The following RAB27A variants were observed in gnomAD, a reference collection of about 807,000 sequenced individuals.
RAB27A encodes the protein ras-related protein Rab-27A.
RAB27A carries 17 observed loss-of-function variants against 20.8 expected under a neutral mutation model. The observed-to-expected ratio is 0.82, with a 90% CI of 0.56 to 1.23. The LOEUF (loss-of-function observed/expected upper bound fraction) is 1.23. RAB27A is among the 50% of genes most tolerant of loss of function. The pLI is 0.00. For synonymous variants in RAB27A, 85 were observed against 92.8 expected (o/e 0.92, Z 0.48); for missense variants, 277 against 266.7 (o/e 1.04, Z -0.27).
chr15:55,313,883 G>A (rs933572486), intron 2 of RAB27A: 1 of 152,428 alleles, frequency 6.6e-6, no homozygotes, highest in African/African-American at 2.4e-5. Flanking sequence ...TGAGGCAGGA[G>A]AATAGTGTGA....
At chr15:55,318,701 CAA>C (rs1261744826) in intron 1 of RAB27A, among the ~76,000 whole-genome samples, 1 of 96,150 alleles carries the variant, frequency 1.0e-5, no homozygotes. Flanking sequence ...AACTCCGTCT[CAA>C]AAAAAAAAAC....
Position 55,224,868 on chromosome 15 carries a change from C to T in RAB27A, c.344-856G>A, listed in dbSNP as rs937934366. 3.9e-5 allele frequency among the ~76,000 whole-genome samples: 6 copies of T among 152,142 alleles called. No homozygotes were observed. The South Asian group carries it at 1.2e-3, about 32-fold the overall frequency. ...TCATGGTTAACCAGAAAAGTGTGGACATTTTAGTTCCTCATTATGAAGTAG... is the reference window on the plus strand; with the variant it reads ...TCATGGTTAACCAGAAAAGTGTGGATATTTTAGTTCCTCATTATGAAGTAG... On this transcript the variant is annotated intron_variant, in intron 5 of 6. Coordinates refer to ENST00000336787, the MANE Select transcript of RAB27A (RefSeq NM_183235.3).
chr15:55,256,716 C>T (rs757497044), intron 2 of RAB27A, among the ~76,000 whole-genome samples: 20 of 152,146 alleles, frequency 1.3e-4, no homozygotes, highest in Non-Finnish European at 2.8e-4. Context: ...ACGACTAATC[C>T]ATTGGTATAT....
At chr15:55,240,543 T>C (rs540893069) in intron 2 of RAB27A, among the ~76,000 whole-genome samples, 2 of 152,216 alleles carry the variant, frequency 1.3e-5, no homozygotes, top group African/African-American at 4.8e-5. Flanking sequence ...AGGGCATAAG[T>C]AACTGAGTCT....
At chr15:55,221,792 A>G (rs1895583323) in intron 6 of RAB27A, among the ~76,000 whole-genome samples, 1 of 151,946 alleles carries the variant, frequency 6.6e-6, no homozygotes, top group Non-Finnish European at 1.5e-5. Flanking sequence ...CTGCAACTAG[A>G]CCTGCACCTG....
chr15:55,217,826 A>G (rs1895385485), intron 6 of RAB27A, among the ~76,000 whole-genome samples: 1 of 152,074 alleles, frequency 6.6e-6, no homozygotes, highest in Non-Finnish European at 1.5e-5. Context: ...AGCACTGCTC[A>G]TCGTTATTAC....
intron 2 of RAB27A, among the ~76,000 whole-genome samples, chr15:55,255,992 A>G (rs999342478): frequency 6.6e-6 from 1 of 152,196 alleles, no homozygotes; most frequent in South Asian, 2.1e-4. Flanking sequence ...ATATGGGAAT[A>G]TTTATCTAGC....
chr15:55,284,164 C>A lies in RAB27A; in HGVS notation c.-143+5552G>T, dbSNP rs754224207. On this transcript the variant is annotated intron_variant, in intron 1 of 6. Coordinates refer to ENST00000336787, the MANE Select transcript of RAB27A (RefSeq NM_183235.3). ...AGCAGTTCATTTTCAAGGCTGCTTTCTTTTAAATAGGTACAAATAATTACA... is the reference window on the plus strand; with the variant it reads ...AGCAGTTCATTTTCAAGGCTGCTTTATTTTAAATAGGTACAAATAATTACA... 2.0e-4 allele frequency among the ~76,000 whole-genome samples: 30 copies of A among 152,264 alleles called. 1 individual carries two copies. Among genetic ancestry groups the A allele is most frequent in the Non-Finnish European group, 3.8e-4 (26 of 68,004 alleles).
Position 55,209,886 on chromosome 15 carries a change from A to G in RAB27A, c.468-4181T>C, listed in dbSNP as rs570278696. 3.3e-5 allele frequency among the ~76,000 whole-genome samples: 4 copies of G among 121,748 alleles called. 1 individual carries two copies. The highest frequency in any genetic ancestry group is 1.7e-4 in the African/African-American group (4 of 23,528). 79.9% of individuals were successfully genotyped at this position (121,748 alleles called of 152,430 possible). ...TACATATATACATATATGTGTGTGT[A>G]TACATATATACACATATGTGTGTGT... On this transcript the variant is annotated intron_variant, in intron 6 of 6. Coordinates refer to ENST00000336787, the MANE Select transcript of RAB27A (RefSeq NM_183235.3).
intron 1 of RAB27A, among the ~76,000 whole-genome samples, chr15:55,316,599 A>G (rs921076240): frequency 1.9e-4 from 29 of 151,804 alleles, no homozygotes; most frequent in Admixed American, 1.1e-3. Context: ...AAAAAAAAGG[A>G]GAAAAAAAGA....
chr15:55,285,502 A>C (rs1349520604), intron 1 of RAB27A, among the ~76,000 whole-genome samples: 1 of 152,124 alleles, frequency 6.6e-6, no homozygotes, highest in Admixed American at 6.5e-5. Flanking sequence ...CTACGAACAT[A>C]AGTAAATTAC....
At chr15:55,300,390 T>C (rs1343300392) in intron 2 of RAB27A, among the ~76,000 whole-genome samples, 1 of 151,856 alleles carries the variant, frequency 6.6e-6, no homozygotes, top group Non-Finnish European at 1.5e-5. Context: ...ACAAAAGGGG[T>C]GTTTCTTGGC....
chr15:55,288,577 G>T (rs911290980), intron 1 of RAB27A, among the ~76,000 whole-genome samples: 6 of 151,820 alleles, frequency 4.0e-5, no homozygotes, highest in African/African-American at 1.5e-4. Context: ...AAAAATCAAG[G>T]CACGTCACAG....
chr15:55,220,259 T>G (rs1190010370), intron 6 of RAB27A, among the ~76,000 whole-genome samples: 2 of 151,850 alleles, frequency 1.3e-5, no homozygotes, highest in African/African-American at 4.8e-5. Context: ...GTTTGTTTGT[T>G]TTTGTTTGTT....
chr15:55,318,158 C>G (rs2055072567), intron 1 of RAB27A, among the ~76,000 whole-genome samples: 1 of 147,624 alleles, frequency 6.8e-6, no homozygotes, highest in African/African-American at 2.5e-5. Flanking sequence ...AGTGCAATGG[C>G]GCAATCTCGG....
In RAB27A at chr15:55,234,848, A is replaced by G. The variant is rs758381859; in HGVS notation, c.87T>C (p.Tyr29=). Residue 29 remains tyrosine (Y), a synonymous_variant, in exon 3 of 7, where the codon TAT becomes TAC. Coordinates refer to ENST00000336787, the MANE Select transcript of RAB27A (RefSeq NM_183235.3). ...GVGKTSVLYQ[Y]TDGKFNSKFI... is the part of the protein sequence containing the mutation. Reference sequence around the variant, plus strand: ...ATTTGGAGTTAAATTTACCATCTGTATATTGGTAAAGTACACTGGTCTTCC... The same window carrying G: ...ATTTGGAGTTAAATTTACCATCTGTGTATTGGTAAAGTACACTGGTCTTCC... 7.4e-6 allele frequency: 12 copies of G among 1,611,084 alleles called. No individual in the cohort carries two copies. The East Asian group carries it at 2.5e-4, about 33-fold the overall frequency.
At chr15:55,229,403 CCATGGCT>C (rs1895943574) in intron 4 of RAB27A, among the ~76,000 whole-genome samples, 1 of 152,188 alleles carries the variant, frequency 6.6e-6, no homozygotes. Flanking sequence ...TGGCCAGGGG[CCATGGCT>C]CACACCTGTA....
In RAB27A at chr15:55,209,777, TAC is replaced by T. The variant is rs1400966374; in HGVS notation, c.468-4074_468-4073del. 8.6e-5 allele frequency among the ~76,000 whole-genome samples: 11 copies of T among 127,800 alleles called. 1 individual carries two copies. The highest frequency in any genetic ancestry group is 2.1e-4 in the East Asian group (1 of 4,876). 83.8% of individuals were successfully genotyped at this position (127,800 alleles called of 152,430 possible). On this transcript the variant is annotated intron_variant, in intron 6 of 6. Transcript: ENST00000336787. Reference sequence around the variant, plus strand: ...GTGTATGTGTGTACATATACATATATACACACATATGTGTGTATGTATACATA... The same window carrying T: ...GTGTATGTGTGTACATATACATATATACACATATGTGTGTATGTATACATA...
At chr15:55,244,384 C>G (rs1281340314) in intron 2 of RAB27A, among the ~76,000 whole-genome samples, 1 of 151,970 alleles carries the variant, frequency 6.6e-6, no homozygotes, top group African/African-American at 2.4e-5. Flanking sequence ...AAAGAGACAG[C>G]CTCAACCTCC....
Sources: gnomAD v4.1 joint callset for allele counts (sites outside exome capture counted in the v4.1 genomes callset) on GRCh38, gnomAD v4.1.1 for gene constraint, MANE v1.5 for transcripts, NCBI Gene and HGNC (gene_info 2026-07-23, HGNC 2026-07-21) for gene names.